Variants in TPO observed in about 807,000 individuals in gnomAD.
TPO encodes the protein thyroid microsomal antigen.
TPO carries 78 observed loss-of-function variants against 96.9 expected under a neutral mutation model. That is an observed-to-expected ratio of 0.81 (90% CI 0.67 to 0.97). TPO has a LOEUF of 0.97. Ranked by LOEUF, TPO falls within the 50% of genes least tolerant of loss-of-function variation. TPO has a pLI of 0.00. For missense variants in TPO, 1,252 were observed against 1,274.8 expected, an observed-to-expected ratio of 0.98 and a Z score of 0.27; for synonymous variants, 547 against 538.0, an observed-to-expected ratio of 1.02 and a Z score of -0.23.
At position 1,524,622 on chromosome 2, in the gene TPO, C is replaced by G. The variant is rs560098106; in HGVS notation, c.2618+7640C>G. On this transcript the variant is annotated intron_variant, in intron 15 of 16. Coordinates refer to ENST00000329066, the MANE Select transcript of TPO (RefSeq NM_001206744.2). The stretch of plus-strand genomic sequence containing the variant: ...CTCAAATCCGCTCACTGTGTGCAAC[C>G]TCCTCAAATCCCCCTACTGCCTGCA... Among the ~76,000 whole-genome samples the G allele has an allele frequency of 2.8e-4, 35 of 125,200 alleles. 2 individuals carry two copies. The highest frequency in any genetic ancestry group is 1.0e-3 in the African/African-American group (34 of 32,948). The allele number at this position is 125,200 out of a possible 152,430, so 82.1% of individuals were successfully genotyped here.
At chr2:1,536,855 T>G (rs1298597413) in intron 15 of TPO, among the ~76,000 whole-genome samples, 1 of 110,756 alleles carries the variant, frequency 9.0e-6, no homozygotes, top group Non-Finnish European at 1.8e-5. Context: ...CCCGCCACTG[T>G]GTTCAACCTC....
At chr2:1,538,470 A>G (rs1374615523) in intron 15 of TPO, among the ~76,000 whole-genome samples, 3 of 152,182 alleles carry the variant, frequency 2.0e-5, no homozygotes, top group Non-Finnish European at 2.9e-5. Flanking sequence ...CAGAACCTCA[A>G]TGAATATAGA....
At chr2:1,425,874 C>G (rs535893055) in intron 3 of TPO, among the ~76,000 whole-genome samples, 2 of 136,312 alleles carry the variant, frequency 1.5e-5, no homozygotes, top group East Asian at 4.6e-4. Context: ...CATTTCATAT[C>G]CTCAGAAGTC....
chr2:1,495,038 A>G (rs182991227), intron 11 of TPO, among the ~76,000 whole-genome samples: 41 of 152,274 alleles, frequency 2.7e-4, no homozygotes, highest in African/African-American at 9.4e-4. Context: ...AGAAGGGGGA[A>G]GATTTCACCA....
intron 5 of TPO, among the ~76,000 whole-genome samples, chr2:1,446,107 AC>A (rs1370486016): frequency 6.6e-6 from 1 of 152,082 alleles, no homozygotes; most frequent in African/African-American, 2.4e-5. Flanking sequence ...ATGGGCCTGC[AC>A]CCCCAGATGA....
At chr2:1,450,349 G>C (rs1269251462) in intron 5 of TPO, among the ~76,000 whole-genome samples, 2 of 152,196 alleles carry the variant, frequency 1.3e-5, no homozygotes, top group African/African-American at 4.8e-5. Context: ...AAATCACAAA[G>C]TCTCCAGTGC....
In TPO at chr2:1,434,403, T is replaced by C. The variant is rs73170213; in HGVS notation, c.349+796T>C. Among the ~76,000 whole-genome samples the C allele has an allele frequency of 3.6e-3, 554 of 152,356 alleles. 3 individuals carry two copies. The highest frequency in any genetic ancestry group is 0.012 in the African/African-American group (511 of 41,586). On this transcript the variant is annotated intron_variant, in intron 4 of 16. Coordinates refer to ENST00000329066, the MANE Select transcript of TPO (RefSeq NM_001206744.2). ...TAAGACAAACTTGGCTAAATCAGTA[T>C]TGACCAGAATTCTCAAATCCTAAAC...
chr2:1,502,402 T>C (rs543780428), intron 13 of TPO, among the ~76,000 whole-genome samples: 6 of 152,190 alleles, frequency 3.9e-5, no homozygotes, highest in African/African-American at 7.2e-5. Flanking sequence ...TTCTTTTTAT[T>C]TTTTTGAGAC....
At chr2:1,384,434 G>C (rs1463452345) in intron 1 of TPO, among the ~76,000 whole-genome samples, 1 of 152,136 alleles carries the variant, frequency 6.6e-6, no homozygotes, top group African/African-American at 2.4e-5. Flanking sequence ...CACATCCCTT[G>C]TAAGTTGGAT....
intron 6 of TPO, among the ~76,000 whole-genome samples, chr2:1,455,296 C>T (rs1351851650): frequency 6.6e-6 from 1 of 152,144 alleles, no homozygotes; most frequent in Non-Finnish European, 1.5e-5. Flanking sequence ...CATTTTTCTG[C>T]CTCCACAGAT....
intron 5 of TPO, among the ~76,000 whole-genome samples, chr2:1,442,959 G>C (rs904755714): frequency 1.3e-5 from 2 of 152,236 alleles, no homozygotes; most frequent in African/African-American, 2.4e-5. Flanking sequence ...TTTCTTGCTG[G>C]GCACTTTGGC....
In TPO at chr2:1,427,536, C is replaced by G. The variant is rs1048699862; in HGVS notation, c.179+4407C>G. ...GGCACCCCTCGGACAGGGCAGTGTG[C>G]TTTTCTCCCACCATGGCAAAGAGCG... On this transcript the variant is annotated intron_variant, in intron 3 of 16. Coordinates refer to ENST00000329066, the MANE Select transcript of TPO (RefSeq NM_001206744.2). 7.9e-5 allele frequency among the ~76,000 whole-genome samples: 12 copies of G among 152,160 alleles called. 1 individual carries two copies. The East Asian group carries it at 1.4e-3, about 17-fold the overall frequency.
intron 1 of TPO, among the ~76,000 whole-genome samples, chr2:1,383,799 T>C (rs1274388225): frequency 6.6e-6 from 1 of 152,250 alleles, no homozygotes; most frequent in Non-Finnish European, 1.5e-5. Context: ...TCCTTGCCCA[T>C]GCCTATGTCC....
At chr2:1,480,413 C>T (rs1036555849) in intron 8 of TPO, among the ~76,000 whole-genome samples, 2 of 152,132 alleles carry the variant, frequency 1.3e-5, no homozygotes, top group Admixed American at 6.5e-5. Context: ...TCATTTTTCT[C>T]TCCCTGGTTC....
At chr2:1,394,694 C>T (rs768445761) in intron 1 of TPO, among the ~76,000 whole-genome samples, 2 of 152,182 alleles carry the variant, frequency 1.3e-5, no homozygotes, top group African/African-American at 4.8e-5. Flanking sequence ...GAGCGTCACC[C>T]GGGCCCTGCC....
Position 1,433,465 on chromosome 2 carries a change from T to C in TPO, c.207T>C (p.Ser69=), listed in dbSNP as rs770039310. Residue 69 remains serine, a synonymous_variant, in exon 4 of 17, where the codon TCT becomes TCC. Transcript: ENST00000329066. ...QRNLKKRGIL[S]PAQLLSFSKL... is the part of the protein sequence containing the mutation. ...ACCTCAAGAAAAGAGGAATCCTTTC[T>C]CCAGCTCAGCTTCTGTCTTTTTCCA... 5 of 1,614,224 alleles carry C rather than the reference T, an allele frequency of 3.1e-6. No homozygotes were observed. The highest frequency in any genetic ancestry group is 4.2e-6 in the Non-Finnish European group (5 of 1,180,040).
chr2:1,523,731 C>T (rs1175616172), intron 15 of TPO, among the ~76,000 whole-genome samples: 1 of 126,314 alleles, frequency 7.9e-6, no homozygotes, highest in Non-Finnish European at 1.6e-5. Flanking sequence ...CCTCAGGTCC[C>T]CCACTGTGTG....
chr2:1,470,964 AG>A (rs1199309670), intron 7 of TPO, among the ~76,000 whole-genome samples: 2 of 152,182 alleles, frequency 1.3e-5, no homozygotes, highest in African/African-American at 4.8e-5. Flanking sequence ...ATGGTGATGC[AG>A]GTTTTCATTT....
intron 1 of TPO, among the ~76,000 whole-genome samples, chr2:1,394,119 T>C (rs142479595): frequency 0.019 from 2,890 of 152,260 alleles, 69 homozygotes; most frequent in South Asian, 0.12. Flanking sequence ...CCCCAAATAT[T>C]TCACTACATC....
Sources: allele counts gnomAD v4.1 joint callset (sites outside exome capture counted in the v4.1 genomes callset), GRCh38; gene constraint gnomAD v4.1.1; transcripts MANE v1.5; gene names NCBI Gene and HGNC (gene_info 2026-07-23, HGNC 2026-07-21).